Variants in SLC36A1 observed in about 807,000 individuals in gnomAD.
The protein encoded by SLC36A1 is proton-coupled amino acid transporter 1.
A neutral mutation model predicts 47.5 loss-of-function variants in SLC36A1; 30 were observed. The observed-to-expected ratio is 0.63, with a 90% CI of 0.47 to 0.86. The LOEUF is 0.86. SLC36A1 is among the 40% of genes least tolerant of loss of function. The probability of loss-of-function intolerance (pLI) is 0.00; values close to 1 mark genes in which losing one functional copy is unlikely to be tolerated. For missense variants in SLC36A1, 517 were observed against 606.0 expected, an observed-to-expected ratio of 0.85 and a Z score of 1.54; for synonymous variants, 255 against 249.7, an observed-to-expected ratio of 1.02 and a Z score of -0.20.
At chr5:151,385,957 C>T in the SLC36A1 span, among the ~76,000 whole-genome samples, 47 of 151,490 alleles carry the variant, frequency 3.1e-4, no homozygotes, top group Non-Finnish European at 5.0e-4. Flanking sequence ...CTGCAACCTC[C>T]GCCTCCCAGG....
chr5:151,551,817 A>G, the SLC36A1 span, among the ~76,000 whole-genome samples: 1 of 152,242 alleles, frequency 6.6e-6, no homozygotes, highest in Admixed American at 6.5e-5. Flanking sequence ...TTTGAATTTT[A>G]TTAATAAATC....
At chr5:151,548,571 C>G in the SLC36A1 span, among the ~76,000 whole-genome samples, 3 of 152,100 alleles carry the variant, frequency 2.0e-5, no homozygotes, top group South Asian at 6.2e-4. Flanking sequence ...ACCTCTGCCT[C>G]CCAGGTTCAA....
the SLC36A1 span, among the ~76,000 whole-genome samples, chr5:151,424,073 C>T: frequency 6.6e-6 from 1 of 152,172 alleles, no homozygotes; most frequent in Non-Finnish European, 1.5e-5. Flanking sequence ...TACAAGTCGC[C>T]TCACATGAAT....
At chr5:151,424,107 CG>C in the SLC36A1 span, among the ~76,000 whole-genome samples, 1 of 152,186 alleles carries the variant, frequency 6.6e-6, no homozygotes, top group Non-Finnish European at 1.5e-5. Context: ...CCATGGCAGG[CG>C]GGGCTGCCTA....
chr5:151,367,752 A>C, the SLC36A1 span, among the ~76,000 whole-genome samples: 18 of 152,200 alleles, frequency 1.2e-4, no homozygotes, highest in African/African-American at 4.1e-4. Flanking sequence ...AATGTCCATA[A>C]TAAGATGAAG....
chr5:151,493,283 C>T (rs115264344), downstream of SLC36A1, among the ~76,000 whole-genome samples: 1,528 of 152,244 alleles, frequency 0.01, 24 homozygotes, highest in African/African-American at 0.035. Context: ...ATCACTTCTG[C>T]GGCAAACACT....
chr5:151,454,450 C>T (rs986412533), intron 1 of SLC36A1, among the ~76,000 whole-genome samples: 41 of 152,160 alleles, frequency 2.7e-4, no homozygotes, highest in Non-Finnish European at 4.9e-4. Context: ...GAAAGAACTC[C>T]GGGGAGTGGC....
At chr5:151,382,024 C>T in the SLC36A1 span, 8 of 642,278 alleles carry the variant, frequency 1.2e-5, no homozygotes, top group Non-Finnish European at 2.2e-5. Flanking sequence ...ATGCCCAGCC[C>T]GGGAGCTCTC....
At chr5:151,543,499 A>C in the SLC36A1 span, 1 of 1,614,196 alleles carries the variant, frequency 6.2e-7, no homozygotes, top group Non-Finnish European at 8.5e-7. Context: ...TTCCCGATCC[A>C]GTTTCTGCAG....
chr5:151,437,976 C>T (rs1046763500), intron 1 of SLC36A1, among the ~76,000 whole-genome samples: 1 of 152,074 alleles, frequency 6.6e-6, no homozygotes, highest in Non-Finnish European at 1.5e-5. Flanking sequence ...AGAATAGAAA[C>T]TTCTCTCCTC....
At chr5:151,397,550 G>A in the SLC36A1 span, among the ~76,000 whole-genome samples, 3 of 152,092 alleles carry the variant, frequency 2.0e-5, no homozygotes, top group African/African-American at 7.2e-5. Flanking sequence ...ACTTTGGGAG[G>A]CCAAGGTGGG....
chr5:151,440,313 C>T (rs1348636985), intron 1 of SLC36A1, among the ~76,000 whole-genome samples: 2 of 152,172 alleles, frequency 1.3e-5, no homozygotes, highest in Non-Finnish European at 2.9e-5. Context: ...GTTCCTGGCA[C>T]ATTGTAAGCA....
chr5:151,531,437 C>T, the SLC36A1 span: 1 of 1,148,562 alleles, frequency 8.7e-7, no homozygotes, highest in Non-Finnish European at 1.2e-6. The surrounding 1 kb of genome is among the most constrained non-coding windows in gnomAD (Gnocchi z 5.7). Context: ...ACCTGGTACT[C>T]GGAGAGAAGC....
chr5:151,420,511 C>T, the SLC36A1 span, among the ~76,000 whole-genome samples: 1 of 152,180 alleles, frequency 6.6e-6, no homozygotes, highest in Non-Finnish European at 1.5e-5. Flanking sequence ...TGGGGATGAT[C>T]GTGCATGCCG....
intron 5 of SLC36A1, 135 bp downstream of exon 5, chr5:151,465,304 C>G: frequency 1.4e-6 from 1 of 724,946 alleles, no homozygotes; most frequent in Non-Finnish European, 2.4e-6. Context: ...TGTGGCTCAG[C>G]TCTGCTGGTA....
the SLC36A1 span, among the ~76,000 whole-genome samples, chr5:151,400,048 G>A: frequency 3.3e-5 from 5 of 152,048 alleles, no homozygotes; most frequent in Non-Finnish European, 4.4e-5. Flanking sequence ...ACATGTGCAG[G>A]TTTGTTACAT....
At chr5:151,442,877 T>C (rs2127441972), upstream of SLC36A1, among the ~76,000 whole-genome samples, 1 of 152,332 alleles carries the variant, frequency 6.6e-6, no homozygotes, top group Admixed American at 6.5e-5. Flanking sequence ...AGATTCCACA[T>C]ATAAATGAGA....
At chr5:151,366,001 C>T in the SLC36A1 span, among the ~76,000 whole-genome samples, 1 of 152,174 alleles carries the variant, frequency 6.6e-6, no homozygotes, top group Non-Finnish European at 1.5e-5. Flanking sequence ...CCTGTTCATG[C>T]CTCTTCTGGT....
the SLC36A1 span, among the ~76,000 whole-genome samples, chr5:151,391,385 C>T: frequency 6.6e-6 from 1 of 152,036 alleles, no homozygotes. Context: ...TAATTGAATA[C>T]CCTTTATTTC....
Sources: allele counts gnomAD v4.1 joint callset (sites outside exome capture counted in the v4.1 genomes callset), GRCh38; gene constraint gnomAD v4.1.1; non-coding constraint Gnocchi (gnomAD v3.1); transcripts MANE v1.5; gene names NCBI Gene and HGNC (gene_info 2026-07-23, HGNC 2026-07-21).